CADM2: variants seen among roughly 807,000 people sequenced by gnomAD.
CADM2 encodes cell adhesion molecule 2.
In CADM2, 12 loss-of-function variants were observed where a neutral mutation model predicts 49.8. The ratio of observed to expected loss-of-function variants is 0.24; its 90% CI spans 0.15 to 0.39. The LOEUF (loss-of-function observed/expected upper bound fraction) is 0.39, where lower values mean the gene tolerates loss of function less well. Ranked by LOEUF, CADM2 falls within the 10% of genes least tolerant of loss-of-function variation. The pLI is 1.00. For synonymous variants in CADM2, 214 were observed against 175.4 expected (o/e 1.22, Z -1.74); for missense variants, 378 against 492.3 (o/e 0.77, Z 2.20).
intron 8 of CADM2, among the ~76,000 whole-genome samples, chr3:85,977,323 A>T (rs1339573001): frequency 6.6e-6 from 1 of 151,406 alleles, no homozygotes; most frequent in East Asian, 1.9e-4. Context: ...GAAATAAACC[A>T]ACATGTTATA....
At chr3:85,626,330 G>A (rs985106207) in intron 1 of CADM2, among the ~76,000 whole-genome samples, 11 of 151,934 alleles carry the variant, frequency 7.2e-5, no homozygotes, top group Admixed American at 7.2e-4. Context: ...AGTCCCTTCA[G>A]TAGCAGGTAG....
chr3:85,745,587 T>C (rs1165140570), intron 2 of CADM2, among the ~76,000 whole-genome samples: 2 of 152,078 alleles, frequency 1.3e-5, no homozygotes, highest in Non-Finnish European at 2.9e-5. Flanking sequence ...TTACGTGGGC[T>C]GGGTGTGGTG....
intron 1 of CADM2, among the ~76,000 whole-genome samples, chr3:85,159,352 A>C: frequency 7.3e-6 from 1 of 136,580 alleles, no homozygotes; most frequent in South Asian, 2.1e-4. Context: ...CATCTTCCCC[A>C]GGAGTTCTGG....
At chr3:85,195,204 T>C (rs1159456390) in intron 1 of CADM2, among the ~76,000 whole-genome samples, 1 of 152,116 alleles carries the variant, frequency 6.6e-6, no homozygotes, top group Non-Finnish European at 1.5e-5. Flanking sequence ...GACTTGGAAT[T>C]TAAATTGTAG....
intron 1 of CADM2, among the ~76,000 whole-genome samples, chr3:85,176,988 T>A (rs191194909): frequency 2.0e-5 from 3 of 152,200 alleles, no homozygotes; most frequent in East Asian, 3.9e-4. Context: ...CCACATGAAC[T>A]TTGGCTGAAG....
chr3:85,700,770 T>C (rs2066728886), intron 1 of CADM2, among the ~76,000 whole-genome samples: 1 of 152,218 alleles, frequency 6.6e-6, no homozygotes, highest in African/African-American at 2.4e-5. Flanking sequence ...CAAGACTTTA[T>C]TGTCCATATC....
At chr3:85,477,399 A>AAAT (rs77600651) in intron 1 of CADM2, among the ~76,000 whole-genome samples, 46,830 of 151,482 alleles carry the variant, frequency 0.31, 8,024 homozygotes, top group East Asian at 0.53. Flanking sequence ...ATGAAAAAAA[A>AAAT]ATGTTAAAAT....
At chr3:85,056,410 C>G (rs549358910) in intron 1 of CADM2, among the ~76,000 whole-genome samples, 11 of 152,112 alleles carry the variant, frequency 7.2e-5, no homozygotes, top group Non-Finnish European at 1.3e-4. Context: ...TTGCTTGTAT[C>G]TAATGTTTTC....
At chr3:85,552,309 G>A (rs1026149117) in intron 1 of CADM2, among the ~76,000 whole-genome samples, 3 of 147,540 alleles carry the variant, frequency 2.0e-5, no homozygotes, top group Admixed American at 6.8e-5. Context: ...GGAGACAGGT[G>A]TACTTTATTA....
chr3:85,290,408 C>A (rs2043756206), intron 1 of CADM2, among the ~76,000 whole-genome samples: 1 of 152,224 alleles, frequency 6.6e-6, no homozygotes, highest in African/African-American at 2.4e-5. Context: ...ACAAAGCAGC[C>A]TGGAAGCTCC....
At chr3:85,350,572 A>G (rs1018477002) in intron 1 of CADM2, among the ~76,000 whole-genome samples, 1 of 152,090 alleles carries the variant, frequency 6.6e-6, no homozygotes, top group Non-Finnish European at 1.5e-5. Flanking sequence ...CTTGTCTTTT[A>G]TTTATTCAGT....
chr3:85,721,614 G>T (rs144367305), intron 1 of CADM2, among the ~76,000 whole-genome samples: 1 of 152,166 alleles, frequency 6.6e-6, no homozygotes, highest in Non-Finnish European at 1.5e-5. Context: ...CCAGCTCTCC[G>T]TGAGGCTGCA....
At chr3:85,543,720 A>G (rs1057312610) in intron 1 of CADM2, among the ~76,000 whole-genome samples, 23 of 152,182 alleles carry the variant, frequency 1.5e-4, no homozygotes, top group African/African-American at 5.3e-4. Flanking sequence ...GCATCCAGCA[A>G]GGGCCTCTTA....
chr3:85,043,941 G>A (rs140458921), intron 1 of CADM2, among the ~76,000 whole-genome samples: 1 of 152,186 alleles, frequency 6.6e-6, no homozygotes, highest in African/African-American at 2.4e-5. Context: ...TAGGCAGCAT[G>A]CTTTCTCCCC....
rs913504939 is a variant in CADM2, at chr3:85,444,910, A to T, written c.62-281612A>T. On this transcript the variant is annotated intron_variant, in intron 1 of 9. Transcript: ENST00000383699. Reference sequence around the variant, plus strand: ...GCAGTCTAGCACAGAAAATATTCTCATCATATTCTTCTTGAATCTGAGTGA... The same window carrying T: ...GCAGTCTAGCACAGAAAATATTCTCTTCATATTCTTCTTGAATCTGAGTGA... Among the ~76,000 whole-genome samples the T allele has an allele frequency of 1.8e-4, 27 of 152,246 alleles. 1 individual carries two copies. In the East Asian group the frequency reaches 4.8e-3, roughly 27 times the overall value.
intron 1 of CADM2, among the ~76,000 whole-genome samples, chr3:85,270,945 G>A (rs2043228855): frequency 6.6e-6 from 1 of 151,386 alleles, no homozygotes; most frequent in African/African-American, 2.4e-5. Flanking sequence ...TCATTGTCAT[G>A]TGTGATGCAT....
chr3:85,402,518 G>C (rs542706932), intron 1 of CADM2, among the ~76,000 whole-genome samples: 1 of 146,792 alleles, frequency 6.8e-6, no homozygotes, highest in Non-Finnish European at 1.5e-5. Context: ...TGTGTAGGTC[G>C]CAAAAGAATA....
intron 1 of CADM2, among the ~76,000 whole-genome samples, chr3:85,495,742 T>C (rs2039860551): frequency 6.6e-6 from 1 of 151,924 alleles, no homozygotes; most frequent in African/African-American, 2.4e-5. Context: ...GCATGTCACA[T>C]GGCAAGAGTA....
chr3:85,352,308 C>A (rs1200069494), intron 1 of CADM2, among the ~76,000 whole-genome samples: 1 of 152,010 alleles, frequency 6.6e-6, no homozygotes, highest in Non-Finnish European at 1.5e-5. Flanking sequence ...AAAAGGAGAG[C>A]AGTTGACTTA....
Sources: gnomAD v4.1 joint callset for allele counts (sites outside exome capture counted in the v4.1 genomes callset) on GRCh38, gnomAD v4.1.1 for gene constraint, MANE v1.5 for transcripts, NCBI Gene and HGNC (gene_info 2026-07-23, HGNC 2026-07-21) for gene names.